FRMD4A: variants seen among roughly 807,000 people sequenced by gnomAD.
The protein encoded by FRMD4A is FERM domain-containing protein 4A.
A neutral mutation model predicts 129.1 loss-of-function variants in FRMD4A; 29 were observed. The observed-to-expected ratio is 0.22, with a 90% confidence interval of 0.17 to 0.31. The LOEUF is 0.31. Among genes scored for constraint, FRMD4A ranks in the 10% least tolerant of loss-of-function variants. The pLI is 1.00. For missense variants in FRMD4A, 1,272 were observed against 1,375.8 expected, an observed-to-expected ratio of 0.92 and a Z score of 1.19; for synonymous variants, 634 against 571.6, an observed-to-expected ratio of 1.11 and a Z score of -1.56.
chr10:14,244,287 C>A (rs952931471), intron 2 of FRMD4A, among the ~76,000 whole-genome samples: 1 of 152,204 alleles, frequency 6.6e-6, no homozygotes, highest in Non-Finnish European at 1.5e-5. Context: ...ACTTCCACCC[C>A]CTTCCAGGCG....
At chr10:14,262,552 C>T (rs1168526777) in intron 2 of FRMD4A, among the ~76,000 whole-genome samples, 1 of 152,198 alleles carries the variant, frequency 6.6e-6, no homozygotes, top group Admixed American at 6.5e-5. Context: ...AGAACTGGGT[C>T]TTCTCCTTCC....
chr10:13,800,811 T>C (rs956429077), intron 4 of FRMD4A, among the ~76,000 whole-genome samples: 1 of 152,358 alleles, frequency 6.6e-6, no homozygotes, highest in Non-Finnish European at 1.5e-5. Context: ...GACAGATGGA[T>C]TCCCCCTCTA....
At chr10:14,233,979 T>G (rs1471753943) in intron 2 of FRMD4A, among the ~76,000 whole-genome samples, 1 of 152,248 alleles carries the variant, frequency 6.6e-6, no homozygotes, top group African/African-American at 2.4e-5. Context: ...AAAATTTAAA[T>G]ATCTCTTCCT....
chr10:13,741,088 A>C (rs924092160), intron 9 of FRMD4A, among the ~76,000 whole-genome samples: 1 of 152,072 alleles, frequency 6.6e-6, no homozygotes. Context: ...TGGCCTCCCA[A>C]AGTACTGGGA....
intron 8 of FRMD4A, among the ~76,000 whole-genome samples, chr10:13,759,251 A>G (rs1466930840): frequency 2.6e-5 from 4 of 152,230 alleles, no homozygotes; most frequent in African/African-American, 9.6e-5. Context: ...ACTGCTAGGT[A>G]GCAGTAGCAC....
chr10:13,721,016 A>C (rs1404327193), intron 12 of FRMD4A, among the ~76,000 whole-genome samples: 1 of 152,232 alleles, frequency 6.6e-6, no homozygotes, highest in Non-Finnish European at 1.5e-5. Context: ...GGAAATGTCC[A>C]GAATAGGCAA....
At chr10:13,915,801 C>A (rs959925067) in intron 2 of FRMD4A, among the ~76,000 whole-genome samples, 1 of 152,058 alleles carries the variant, frequency 6.6e-6, no homozygotes, top group Non-Finnish European at 1.5e-5. Context: ...AGTGTTCCTG[C>A]AGAGGCTGGG....
chr10:13,977,056 AAAG>A (rs549693290), intron 2 of FRMD4A, among the ~76,000 whole-genome samples: 185 of 152,338 alleles, frequency 1.2e-3, no homozygotes, highest in African/African-American at 4.3e-3. Context: ...TGGAAGAACA[AAAG>A]AAGATCAATA....
intron 2 of FRMD4A, among the ~76,000 whole-genome samples, chr10:14,296,381 C>T (rs112047831): frequency 2.0e-5 from 3 of 152,166 alleles, no homozygotes; most frequent in African/African-American, 7.2e-5. Context: ...AACCTCATTC[C>T]CCTGGCTGTC....
At chr10:14,267,049 G>A (rs958788520) in intron 2 of FRMD4A, among the ~76,000 whole-genome samples, 1 of 152,170 alleles carries the variant, frequency 6.6e-6, no homozygotes. Flanking sequence ...ACTCCGCCTG[G>A]GGCAGGCAGA....
intron 2 of FRMD4A, among the ~76,000 whole-genome samples, chr10:14,060,080 G>T (rs944371064): frequency 6.6e-6 from 1 of 152,172 alleles, no homozygotes; most frequent in Non-Finnish European, 1.5e-5. Context: ...AGTTTAAGCA[G>T]TAGCTGGCGT....
chr10:13,654,891 G>A, intron 22 of FRMD4A: 3 of 224,248 alleles, frequency 1.3e-5, no homozygotes, highest in South Asian at 1.3e-4. Context: ...GACCTGAGCA[G>A]GGCTCATACA....
At chr10:13,932,325 G>A in intron 2 of FRMD4A, among the ~76,000 whole-genome samples, 1 of 152,134 alleles carries the variant, frequency 6.6e-6, no homozygotes, top group East Asian at 1.9e-4. Context: ...CCTCTCTGTG[G>A]CTTTTCTTCT....
At chr10:14,318,231 T>C (rs1846821744) in intron 2 of FRMD4A, among the ~76,000 whole-genome samples, 1 of 151,942 alleles carries the variant, frequency 6.6e-6, no homozygotes, top group African/African-American at 2.4e-5. Context: ...CCCTAGGAAA[T>C]GACCTCAGCC....
chr10:14,199,660 A>G (rs562265525), intron 2 of FRMD4A, among the ~76,000 whole-genome samples: 48 of 152,278 alleles, frequency 3.2e-4, no homozygotes, highest in African/African-American at 1.2e-3. Flanking sequence ...AAACAGCTGG[A>G]AGTACAGGTG....
At chr10:14,128,046 C>CTCTTTCTTTCTTTCTTTCTCTCTTTCTT (rs1839006980) in intron 2 of FRMD4A, among the ~76,000 whole-genome samples, 6 of 78,060 alleles carry the variant, frequency 7.7e-5, no homozygotes, top group African/African-American at 3.2e-4. Flanking sequence ...CTTTCTTTCC[C>CTCTTTCTTTCTTTCTTTCTCTCTTTCTT]TCTTTCTTTC....
intron 15 of FRMD4A, among the ~76,000 whole-genome samples, chr10:13,680,759 G>A (rs573734777): frequency 1.9e-4 from 29 of 151,484 alleles, no homozygotes; most frequent in Non-Finnish European, 3.7e-4. Flanking sequence ...TTAAAAAAAG[G>A]ATATAGGCTG....
At chr10:13,850,462 C>T (rs1462294712) in intron 3 of FRMD4A, among the ~76,000 whole-genome samples, 1 of 152,166 alleles carries the variant, frequency 6.6e-6, no homozygotes, top group Non-Finnish European at 1.5e-5. Context: ...GAAGTGTCTT[C>T]CACACCTGCT....
chr10:14,309,219 G>A (rs1291728873), intron 2 of FRMD4A, among the ~76,000 whole-genome samples: 2 of 152,238 alleles, frequency 1.3e-5, no homozygotes, highest in African/African-American at 4.8e-5. Flanking sequence ...GGAGACCAAG[G>A]TAAGAGGATC....
Sources: allele counts gnomAD v4.1 joint callset (sites outside exome capture counted in the v4.1 genomes callset), GRCh38; gene constraint gnomAD v4.1.1; transcripts MANE v1.5; gene names NCBI Gene and HGNC (gene_info 2026-07-23, HGNC 2026-07-21).